POLI: variants seen among roughly 807,000 people sequenced by gnomAD.
POLI encodes DNA polymerase iota, also known as RAD30 homolog B.
POLI carries 58 observed loss-of-function variants against 51.6 expected under a neutral mutation model. The observed-to-expected ratio is 1.12, with a 90% CI of 0.91 to 1.40. The LOEUF is 1.40. Among genes scored for constraint, POLI ranks in the 40% most tolerant of loss-of-function variants. POLI has a pLI of 0.00. For synonymous variants in POLI, 322 were observed against 299.7 expected (o/e 1.07, Z -0.77); for missense variants, 921 against 871.3 (o/e 1.06, Z -0.72).
chr18:54,294,331 A>G lies in POLI; in HGVS notation c.2087A>G (p.Asp696Gly). The change falls in exon 10 of 10, where the codon GAT becomes GGT. Residue 696 changes from aspartate (D) to glycine (G), a missense_variant. Physicochemically the swap from Asp to Gly is moderately conservative, Grantham distance 94. Transcript: ENST00000579534. Reference protein sequence around the residue: ...HEGLTENREPDSVDEKITFPS... With the variant: ...HEGLTENREPGSVDEKITFPS... ...GGACTTACAGAAAATAGAGAGCCAG[A>G]TTCTGTTGATGAGAAAATTACTTTC... is the stretch of plus-strand genomic sequence containing the variant. 6.2e-7 allele frequency: 1 copy of G among 1,613,488 alleles called. No homozygotes were observed. Among genetic ancestry groups the G allele is most frequent in the Non-Finnish European group, 8.5e-7 (1 of 1,179,526 alleles).
intron 3 of POLI, among the ~76,000 whole-genome samples, chr18:54,306,474 G>C (rs1389521827): frequency 6.6e-6 from 1 of 152,140 alleles, no homozygotes; most frequent in Non-Finnish European, 1.5e-5. Flanking sequence ...GATTCGGTTT[G>C]CCAGTATTTT....
At chr18:54,309,869 C>G (rs1350057142) in intron 3 of POLI, among the ~76,000 whole-genome samples, 1 of 152,212 alleles carries the variant, frequency 6.6e-6, no homozygotes, top group East Asian at 1.9e-4. Flanking sequence ...GAGCAAGGCT[C>G]CATGGGCATG....
chr18:54,320,907 G>A (rs894485362), intron 4 of POLI, among the ~76,000 whole-genome samples: 1 of 151,498 alleles, frequency 6.6e-6, no homozygotes, highest in African/African-American at 2.4e-5. Context: ...CCTTTATCCA[G>A]TTTCTCCCCA....
At chr18:54,305,262 T>C (rs2088562387) in intron 3 of POLI, among the ~76,000 whole-genome samples, 1 of 152,228 alleles carries the variant, frequency 6.6e-6, no homozygotes, top group African/African-American at 2.4e-5. Flanking sequence ...TTTGGTTCCA[T>C]ATGAACTTTA....
chr18:54,302,715 T>C (rs1156841005), downstream of POLI, among the ~76,000 whole-genome samples: 2 of 152,188 alleles, frequency 1.3e-5, no homozygotes, highest in African/African-American at 2.4e-5. Flanking sequence ...CTAGGTCTTA[T>C]TCATTCTAAT....
At chr18:54,309,255 CA>C (rs2144642809) in intron 3 of POLI, among the ~76,000 whole-genome samples, 1 of 152,318 alleles carries the variant, frequency 6.6e-6, no homozygotes. Context: ...TCGTGACCTA[CA>C]GATGGGGTTT....
chr18:54,321,043 A>C (rs2088781939), intron 4 of POLI: 2 of 152,150 alleles, frequency 1.3e-5, no homozygotes, highest in Admixed American at 6.5e-5. Flanking sequence ...TGTTAATTCT[A>C]TGCAGTTTTA....
At position 54,293,664 on chromosome 18, in the gene POLI, C is replaced by T; in HGVS notation, c.1420C>T (p.His474Tyr). The change falls in exon 10 of 10, where the codon CAT (histidine) becomes TAT (tyrosine). Residue 474 changes from histidine (H) to tyrosine (Y), a missense_variant. Physicochemically the swap from His to Tyr is moderately conservative, Grantham distance 83. Coordinates refer to ENST00000579534, the MANE Select transcript of POLI (RefSeq NM_007195.3). ...GKHSFKMKDT[H>Y]MEDFPKDKET... ...TGTGTTCTAGAAAATGAAAGACACTCATATGGAAGATTTTCCCAAAGACAA... is the reference window on the plus strand; with the variant it reads ...TGTGTTCTAGAAAATGAAAGACACTTATATGGAAGATTTTCCCAAAGACAA... The T allele has an allele frequency of 1.9e-6, 3 of 1,573,288 alleles. No homozygotes were observed. Among genetic ancestry groups the T allele is most frequent in the Non-Finnish European group, 2.6e-6 (3 of 1,162,530 alleles).
downstream of POLI, among the ~76,000 whole-genome samples, chr18:54,298,763 A>G (rs1254623908): frequency 6.6e-6 from 1 of 151,292 alleles, no homozygotes; most frequent in Non-Finnish European, 1.5e-5. Flanking sequence ...TAATTTTTGT[A>G]TTTTTAATAG....
intron 8 of POLI, among the ~76,000 whole-genome samples, chr18:54,291,138 A>T (rs377397127): frequency 3.9e-5 from 6 of 152,140 alleles, no homozygotes; most frequent in African/African-American, 1.4e-4. Context: ...CTCCTAGTCA[A>T]CTAGGGTTGT....
rs953074391 is a variant in POLI at position 54,294,910 on chromosome 18, TATAG to T, written c.*448_*451del. On this transcript the variant is annotated 3_prime_UTR_variant, in exon 10 of 10. Coordinates refer to ENST00000579534, the MANE Select transcript of POLI (RefSeq NM_007195.3). The stretch of plus-strand genomic sequence containing the variant: ...CTACTGCCAACTAACCTATTAAAAA[TATAG>T]ATAGTTTTGACTAAAGTACTACATT... 11 of 979,868 alleles carry T rather than the reference TATAG, an allele frequency of 1.1e-5. No individual in the cohort carries two copies. In the African/African-American group the frequency reaches 1.6e-4, roughly 14 times the overall value. 60.7% of individuals were successfully genotyped at this position (979,868 alleles called of 1,614,324 possible).
At chr18:54,285,992 G>T (rs963723857) in intron 7 of POLI, among the ~76,000 whole-genome samples, 3 of 151,626 alleles carry the variant, frequency 2.0e-5, no homozygotes, top group Non-Finnish European at 4.4e-5. Context: ...CACCTCAACC[G>T]CCAGAATAGC....
rs2144407638 is a variant in POLI at position 54,269,591 on chromosome 18, CGA to C, written c.46_47del (p.Asp16ArgfsTer26). 1.5e-6 allele frequency: 2 copies of C among 1,355,448 alleles called. No homozygotes were observed. The highest frequency in any genetic ancestry group is 3.7e-5 in the African/African-American group (1 of 26,806). The allele number at this position is 1,355,448 out of a possible 1,614,324, so 84.0% of individuals were successfully genotyped here. On this transcript the variant is annotated frameshift_variant, in exon 1 of 10. Transcript: ENST00000579534. LOFTEE classifies it high-confidence loss of function. Reference protein sequence around the residue: ...VEPEEEGGGDDDEEDAEAWAM... With the variant: ...VEPEEEGGGDXDEEDAEAWAM... ...AGCCGGAGGAGGAAGGCGGCGGCGA[CGA>C]CGACGAGGAAGACGCCGAGGCCTGG...
chr18:54,312,863 A>T (rs1328573150), intron 3 of POLI, among the ~76,000 whole-genome samples: 1 of 151,988 alleles, frequency 6.6e-6, no homozygotes, highest in Non-Finnish European at 1.5e-5. Flanking sequence ...CCTTTGTTGG[A>T]TGCATAGTTT....
At chr18:54,274,186 C>A in intron 3 of POLI, 96 bp downstream of exon 3, 1 of 585,126 alleles carries the variant, frequency 1.7e-6, no homozygotes, top group Non-Finnish European at 2.6e-6. Flanking sequence ...TAACATAAGT[C>A]AAGATGCTTT....
At chr18:54,308,756 A>G (rs536678223) in intron 3 of POLI, among the ~76,000 whole-genome samples, 2 of 152,128 alleles carry the variant, frequency 1.3e-5, no homozygotes, top group East Asian at 3.9e-4. Flanking sequence ...ATAGTCCCAT[A>G]TTTCTTGAGG....
downstream of POLI, among the ~76,000 whole-genome samples, chr18:54,298,588 CT>C (rs145052748): frequency 0.16 from 18,070 of 114,730 alleles, 1,982 homozygotes; most frequent in African/African-American, 0.43. Flanking sequence ...ACTACAGAAT[CT>C]TTTTTTTTTT....
chr18:54,309,511 G>A (rs867430401), intron 3 of POLI, among the ~76,000 whole-genome samples: 1 of 152,180 alleles, frequency 6.6e-6, no homozygotes, highest in Non-Finnish European at 1.5e-5. Flanking sequence ...GGCCCCTACT[G>A]GGAGGTGTCT....
intron 3 of POLI, among the ~76,000 whole-genome samples, chr18:54,318,978 A>T (rs2088765227): frequency 6.6e-6 from 1 of 152,238 alleles, no homozygotes; most frequent in Middle Eastern, 3.4e-3. Context: ...GGCTAATGAG[A>T]TGTAAGCATC....
Sources: allele counts gnomAD v4.1 joint callset (sites outside exome capture counted in the v4.1 genomes callset), GRCh38; gene constraint gnomAD v4.1.1; transcripts MANE v1.5; gene names NCBI Gene and HGNC (gene_info 2026-07-23, HGNC 2026-07-21).